The following TTC38 variants were observed in gnomAD, a reference collection of about 807,000 sequenced individuals.
TTC38 encodes tetratricopeptide repeat protein 38.
Under a neutral mutation model 64.2 loss-of-function variants are expected in TTC38, and 64 were observed. The observed-to-expected ratio is 1.00, with a 90% confidence interval of 0.81 to 1.23. The LOEUF (loss-of-function observed/expected upper bound fraction) is 1.23. TTC38 is among the 50% of genes most tolerant of loss of function. TTC38 has a pLI of 0.00. For missense variants in TTC38, 573 were observed against 615.5 expected (o/e 0.93, Z 0.73); for synonymous variants, 254 against 249.3 (o/e 1.02, Z -0.18).
intron 10 of TTC38, among the ~76,000 whole-genome samples, chr22:46,287,412 C>G (rs2077579651): frequency 6.6e-6 from 1 of 152,254 alleles, no homozygotes; most frequent in South Asian, 2.1e-4. Flanking sequence ...CAGCTCTGCA[C>G]CCAGGGCGGC....
At chr22:46,280,730 G>A (rs1432882722) in intron 6 of TTC38, among the ~76,000 whole-genome samples, 2 of 152,172 alleles carry the variant, frequency 1.3e-5, no homozygotes, top group East Asian at 1.9e-4. Context: ...CTCACAGGAG[G>A]TGCTGGGCCA....
intron 10 of TTC38, among the ~76,000 whole-genome samples, chr22:46,287,725 A>C (rs148963258): frequency 0.011 from 1,700 of 152,310 alleles, 36 homozygotes; most frequent in African/African-American, 0.039. Context: ...GCCCTGGGTC[A>C]GCAGTACGAT....
intron 6 of TTC38, 89 bp downstream of exon 6, chr22:46,278,750 C>T: frequency 2.0e-6 from 2 of 1,002,556 alleles, no homozygotes; most frequent in East Asian, 2.4e-5. Flanking sequence ...TCGTGTGTGA[C>T]CCCGGCGAAC....
At position 46,275,192 on chromosome 22, in the gene TTC38, C is replaced by A; in HGVS notation, c.366-56C>A. 1 of 1,525,472 alleles carries A rather than the reference C, an allele frequency of 6.6e-7. No individual in the cohort carries two copies. The highest frequency in any genetic ancestry group is 9.0e-7 in the Non-Finnish European group (1 of 1,113,548). 94.5% of individuals were successfully genotyped at this position (1,525,472 alleles called of 1,614,324 possible). A position where few individuals can be genotyped will look rare whatever the true frequency, so the allele number is the denominator to read the frequency against. ...GTGAGAAACAATGCCTCTTACACTC[C>A]CTGTGTGGGTGGACTATGTGTTCAG... On this transcript the variant is annotated intron_variant, in intron 4 of 13. Coordinates refer to ENST00000381031, the MANE Select transcript of TTC38 (RefSeq NM_017931.4). This position sits in a 1 kb window ranked among gnomAD's most constrained non-coding sequence, Gnocchi z 4.5.
At position 46,289,564 on chromosome 22, in the gene TTC38, G is replaced by A. The variant is rs774212585; in HGVS notation, c.1242+3G>A. On this transcript the variant is annotated splice_donor_region_variant and intron_variant, in intron 12 of 13. Coordinates refer to ENST00000381031, the MANE Select transcript of TTC38 (RefSeq NM_017931.4). ...AGCTCGGTGGGAGCAATGCCCAGGT[G>A]AGCCGATGGCCGCCAGCTGGGGTGC... 3.8e-6 allele frequency: 6 copies of A among 1,573,738 alleles called. No homozygotes were observed. The highest frequency in any genetic ancestry group is 3.5e-5 in the South Asian group (3 of 85,912).
Position 46,276,348 on chromosome 22 carries a change from C to T in TTC38, c.539+927C>T, listed in dbSNP as rs573031354. On this transcript the variant is annotated intron_variant, in intron 5 of 13. Transcript: ENST00000381031. The surrounding 1 kb of genome is among the most constrained non-coding windows in gnomAD (Gnocchi z 4.7). Reference sequence around the variant, plus strand: ...GGCCTTTAACTGATTGGATGAGGCCCACCCACATGGAGGGTAATCTGCTTT... The same window carrying T: ...GGCCTTTAACTGATTGGATGAGGCCTACCCACATGGAGGGTAATCTGCTTT... Among the ~76,000 whole-genome samples the T allele has an allele frequency of 1.2e-4, 19 of 152,262 alleles. No individual in the cohort carries two copies. The highest frequency in any genetic ancestry group is 4.3e-4 in the African/African-American group (18 of 41,540).
intron 10 of TTC38, among the ~76,000 whole-genome samples, chr22:46,288,076 T>C (rs577448304): frequency 1.3e-5 from 2 of 152,060 alleles, no homozygotes; most frequent in Non-Finnish European, 2.9e-5. Context: ...TGGGGGATCC[T>C]TGGGGAGGTC....
At chr22:46,269,662 C>T (rs1227229349) in intron 2 of TTC38, among the ~76,000 whole-genome samples, 1 of 152,244 alleles carries the variant, frequency 6.6e-6, no homozygotes, top group African/African-American at 2.4e-5. Context: ...TGAGCTGCGC[C>T]ATGGGTGCCT....
rs1216141643 is a variant in TTC38 at position 46,271,117 on chromosome 22, C to T, written c.112-1218C>T. Among the ~76,000 whole-genome samples, 3 of 152,182 alleles carry T rather than the reference C, an allele frequency of 2.0e-5. No individual in the cohort carries two copies. The highest frequency in any genetic ancestry group is 2.9e-5 in the Non-Finnish European group (2 of 68,038). On this transcript the variant is annotated intron_variant, in intron 2 of 13. Transcript: ENST00000381031. This position sits in a 1 kb window ranked among gnomAD's most constrained non-coding sequence, Gnocchi z 5.5. ...ATGTTTTCTGTGAATATTTTTAAAA[C>T]GAATGAATAAGAAGCAGGAATATTC...
chr22:46,285,720 T>C (rs1214447976), intron 9 of TTC38, among the ~76,000 whole-genome samples: 1 of 151,856 alleles, frequency 6.6e-6, no homozygotes, highest in Non-Finnish European at 1.5e-5. Flanking sequence ...AACATAAAAT[T>C]ACGTGTACAA....
Position 46,270,482 on chromosome 22 carries a change from CT to C in TTC38, c.112-1846del, listed in dbSNP as rs1569012564. On this transcript the variant is annotated intron_variant, in intron 2 of 13. Coordinates refer to ENST00000381031, the MANE Select transcript of TTC38 (RefSeq NM_017931.4). This position sits in a 1 kb window ranked among gnomAD's most constrained non-coding sequence, Gnocchi z 4.7. ...CTAATGTGTGATTATAGGTCTAGGA[CT>C]TTTTTTAAAACAGGCATTTGAGTAA... Among the ~76,000 whole-genome samples the C allele has an allele frequency of 6.6e-6, 1 of 152,140 alleles. No individual in the cohort carries two copies. Among genetic ancestry groups the C allele is most frequent in the East Asian group, 1.9e-4 (1 of 5,188 alleles).
chr22:46,268,594 ATG>A lies in TTC38; in HGVS notation c.111+4_111+5del, dbSNP rs1936816769. On this transcript the variant is annotated splice_donor_5th_base_variant and intron_variant, in intron 2 of 13. Transcript: ENST00000381031. Reference sequence around the variant, plus strand: ...TGTTCGATGCCACGCTGACCCAGGTATGCCTGCCGAGAGAGGCCGCGGCCCCT... The same window carrying A: ...TGTTCGATGCCACGCTGACCCAGGTACCTGCCGAGAGAGGCCGCGGCCCCT... 3.1e-6 allele frequency: 5 copies of A among 1,613,806 alleles called. No individual in the cohort carries two copies. The highest frequency in any genetic ancestry group is 3.3e-4 in the Middle Eastern group (2 of 6,062).
intron 2 of TTC38, among the ~76,000 whole-genome samples, chr22:46,269,914 T>C (rs1936857498): frequency 6.6e-6 from 1 of 152,186 alleles, no homozygotes; most frequent in Non-Finnish European, 1.5e-5. Context: ...TGCCTCAGCC[T>C]CCGAAGTAGC....
At chr22:46,283,116 T>G (rs571348798) in intron 7 of TTC38, among the ~76,000 whole-genome samples, 176 of 152,068 alleles carry the variant, frequency 1.2e-3, no homozygotes, top group Non-Finnish European at 1.6e-3. Flanking sequence ...TTTTTTTTTT[T>G]AGAGAGACAG....
At chr22:46,286,961 G>A in intron 9 of TTC38, 112 bp from the exon 10 acceptor site, 1 of 745,950 alleles carries the variant, frequency 1.3e-6, no homozygotes, top group Non-Finnish European at 2.2e-6. Flanking sequence ...CAGTGGCAGA[G>A]GGCTTGCTCT....
chr22:46,273,668 G>C lies in TTC38; in HGVS notation c.194-230G>C, dbSNP rs1452190343. ...TTTAGACACTGGCACTCAGCAGAAT[G>C]CCCTCACTAGAAAAATGTTCAAGGG... On this transcript the variant is annotated intron_variant, in intron 3 of 13. Coordinates refer to ENST00000381031, the MANE Select transcript of TTC38 (RefSeq NM_017931.4). This position sits in a 1 kb window ranked among gnomAD's most constrained non-coding sequence, Gnocchi z 5.1. 2.0e-5 allele frequency among the ~76,000 whole-genome samples: 3 copies of C among 152,218 alleles called. No individual in the cohort carries two copies. The highest frequency in any genetic ancestry group is 7.2e-5 in the African/African-American group (3 of 41,448).
chr22:46,290,564 G>A (rs1397781865), intron 13 of TTC38, among the ~76,000 whole-genome samples: 6 of 135,968 alleles, frequency 4.4e-5, no homozygotes, highest in African/African-American at 8.0e-5. Context: ...GGAGGGTGGT[G>A]TGGCTGGAGG....
chr22:46,285,722 C>A (rs757249660), intron 9 of TTC38, among the ~76,000 whole-genome samples: 1 of 151,200 alleles, frequency 6.6e-6, no homozygotes, highest in Non-Finnish European at 1.5e-5. Context: ...CATAAAATTA[C>A]GTGTACAAGG....
rs114243646 is a variant in TTC38, at chr22:46,284,086, G to C, written c.795+54G>C. 4,515 of 1,470,762 alleles carry C rather than the reference G, an allele frequency of 3.1e-3. 91 individuals carry two copies. In the African/African-American group the frequency reaches 0.05, roughly 16 times the overall value. 91.1% of individuals were successfully genotyped at this position (1,470,762 alleles called of 1,614,324 possible). A position where few individuals can be genotyped will look rare whatever the true frequency, so the allele number is the denominator to read the frequency against. ...TATCCTATAAAGATGTCTAGAGGGA[G>C]AAAGATTTTTCTAGCTTTTGCTATG... On this transcript the variant is annotated intron_variant, in intron 8 of 13. Transcript: ENST00000381031.
Sources: gnomAD v4.1 joint callset for allele counts (sites outside exome capture counted in the v4.1 genomes callset) on GRCh38, gnomAD v4.1.1 for gene constraint, Gnocchi (gnomAD v3.1) non-coding constraint, MANE v1.5 for transcripts, NCBI Gene and HGNC (gene_info 2026-07-23, HGNC 2026-07-21) for gene names.